MAP4K3: variants seen among roughly 807,000 people sequenced by gnomAD.
MAP4K3 encodes mitogen-activated protein kinase kinase kinase kinase 3.
A neutral mutation model predicts 143.5 loss-of-function variants in MAP4K3; 94 were observed. The observed-to-expected ratio is 0.65, with a 90% CI of 0.55 to 0.78. The LOEUF is 0.78. MAP4K3 is among the 30% of genes least tolerant of loss of function. MAP4K3 has a pLI of 0.00. For missense variants in MAP4K3, 1,077 were observed against 1,068.1 expected (o/e 1.01, Z -0.12); for synonymous variants, 416 against 347.2 (o/e 1.20, Z -2.20).
chr2:39,412,766 T>A (rs1383624376), intron 1 of MAP4K3, among the ~76,000 whole-genome samples: 1 of 152,130 alleles, frequency 6.6e-6, no homozygotes, highest in Non-Finnish European at 1.5e-5. Flanking sequence ...ACAATTTAAA[T>A]ATCATTAACT....
At chr2:39,317,569 A>C (rs1280982955) in intron 12 of MAP4K3, among the ~76,000 whole-genome samples, 3 of 152,172 alleles carry the variant, frequency 2.0e-5, no homozygotes, top group Admixed American at 1.3e-4. Context: ...CAAGCAAAAA[A>C]CAACTCTATT....
intron 13 of MAP4K3, among the ~76,000 whole-genome samples, chr2:39,310,198 T>C (rs1682894726): frequency 1.3e-5 from 2 of 152,314 alleles, no homozygotes; most frequent in African/African-American, 4.8e-5. Flanking sequence ...TAGAATGTAT[T>C]CCTTCTATTT....
intron 12 of MAP4K3, among the ~76,000 whole-genome samples, chr2:39,321,344 G>T (rs779796646): frequency 1.3e-5 from 2 of 152,154 alleles, no homozygotes; most frequent in Non-Finnish European, 2.9e-5. Context: ...GGGTTAAATG[G>T]ATTAAGGGTT....
chr2:39,254,511 T>A lies in MAP4K3; in HGVS notation c.2480A>T (p.Gln827Leu), dbSNP rs1227998939. The change falls in exon 32 of 34, where the codon CAA (glutamine) becomes CTA (leucine). Residue 827 changes from glutamine to leucine, a missense_variant. By Grantham distance (113) the Gln-to-Leu change is moderately radical. This residue lies in a region of MAP4K3 where 864 missense variants were observed against 801.2 expected (regional missense o/e 1.08). Transcript: ENST00000263881. ...DFQIESIVCLQDSVLAFWKHG... is the reference protein window; with the variant it reads ...DFQIESIVCLLDSVLAFWKHG... ...TTTCCAGAAAGCTAGCACACTGTCT[T>A]GTAGGCACACTAGCAGGCAAGAACA... 1 of 1,613,588 alleles carries A rather than the reference T, an allele frequency of 6.2e-7. No individual in the cohort carries two copies. Among genetic ancestry groups the A allele is most frequent in the East Asian group, 2.2e-5 (1 of 44,864 alleles).
chr2:39,411,519 G>GT (rs1667232221), intron 1 of MAP4K3, among the ~76,000 whole-genome samples: 1 of 152,158 alleles, frequency 6.6e-6, no homozygotes, highest in South Asian at 2.1e-4. Flanking sequence ...CAAAGATATG[G>GT]TTTATGCTTA....
At chr2:39,359,164 T>C (rs563368384) in intron 2 of MAP4K3, among the ~76,000 whole-genome samples, 1 of 152,308 alleles carries the variant, frequency 6.6e-6, no homozygotes, top group East Asian at 1.9e-4. Context: ...TAAATACAGC[T>C]GTTCCAATGG....
chr2:39,343,562 A>C, intron 3 of MAP4K3, 110 bp from the exon 4 acceptor site: 1 of 741,022 alleles, frequency 1.3e-6, no homozygotes, highest in Non-Finnish European at 2.3e-6. Flanking sequence ...AACAAATGCA[A>C]TGTGTTATCT....
At chr2:39,343,479 A>T in intron 3 of MAP4K3, 27 bp from the exon 4 acceptor site, 2 of 1,596,254 alleles carry the variant, frequency 1.3e-6, no homozygotes, top group Non-Finnish European at 1.7e-6. Context: ...AGCATGTATC[A>T]TATTTTCATG....
intron 1 of MAP4K3, among the ~76,000 whole-genome samples, chr2:39,393,944 C>G (rs966782442): frequency 6.6e-6 from 1 of 152,182 alleles, no homozygotes; most frequent in African/African-American, 2.4e-5. Context: ...AGTTGTATAT[C>G]TTTCATTAAA....
chr2:39,331,929 C>T lies in MAP4K3; in HGVS notation c.518G>A (p.Gly173Asp). Residue 173 changes from glycine to aspartate, a missense_variant, in exon 8 of 34, where the codon GGC (glycine) becomes GAC (aspartate). By Grantham distance (94) the Gly-to-Asp change is moderately conservative (BLOSUM62 -1). Around this residue, in one of 2 missense-constraint regions of MAP4K3, gnomAD observed 213 missense variants for 266.8 expected, o/e 0.80. Transcript: ENST00000263881. ...ATIAKRKSFI[G>D]TPYWMAPEVA... ...AAAATACAATTACCAATATGGTGTGCCAATGAAAGACTTCCGTTTGGCAAT... is the reference window on the plus strand; with the variant it reads ...AAAATACAATTACCAATATGGTGTGTCAATGAAAGACTTCCGTTTGGCAAT... 2 of 1,562,420 alleles carry T rather than the reference C, an allele frequency of 1.3e-6. No individual in the cohort carries two copies. Among genetic ancestry groups the T allele is most frequent in the South Asian group, 1.2e-5 (1 of 82,162 alleles).
chr2:39,385,569 T>C (rs1162381797), intron 1 of MAP4K3, among the ~76,000 whole-genome samples: 20 of 132,208 alleles, frequency 1.5e-4, no homozygotes, highest in Admixed American at 7.4e-5. Context: ...TATATATATA[T>C]ATATATATAT....
intron 1 of MAP4K3, among the ~76,000 whole-genome samples, chr2:39,403,482 T>G (rs1667008646): frequency 6.6e-6 from 1 of 151,982 alleles, no homozygotes; most frequent in South Asian, 2.1e-4. Flanking sequence ...GAAAGCACAG[T>G]GATTGTGAGA....
At chr2:39,253,776 A>C (rs1318622011) in intron 32 of MAP4K3, among the ~76,000 whole-genome samples, 1 of 152,210 alleles carries the variant, frequency 6.6e-6, no homozygotes, top group East Asian at 1.9e-4. Context: ...ATTTCTGACA[A>C]TTTTACGTGC....
chr2:39,376,170 G>A (rs1666212720), intron 2 of MAP4K3, among the ~76,000 whole-genome samples: 1 of 152,166 alleles, frequency 6.6e-6, no homozygotes, highest in Non-Finnish European at 1.5e-5. Flanking sequence ...ATTTCCACCA[G>A]CTGTGTATGA....
Position 39,285,317 on chromosome 2 carries a change from T to G in MAP4K3, c.1587+1535A>C, listed in dbSNP as rs192651085. Among the ~76,000 whole-genome samples, 242 of 152,302 alleles carry G rather than the reference T, an allele frequency of 1.6e-3. 2 individuals are homozygous for G. The highest frequency in any genetic ancestry group is 5.2e-3 in the African/African-American group (215 of 41,560). On this transcript the variant is annotated intron_variant, in intron 21 of 33. Coordinates refer to ENST00000263881, the MANE Select transcript of MAP4K3 (RefSeq NM_003618.4). ...CAGTTCCTTATCTTAATGAAGTAAG[T>G]TAACAGAAAAAGTGAACTAAAAATG...
intron 21 of MAP4K3, among the ~76,000 whole-genome samples, chr2:39,286,463 A>G (rs1681782372): frequency 6.6e-6 from 1 of 152,204 alleles, no homozygotes; most frequent in African/African-American, 2.4e-5. Context: ...TTCTTTATCT[A>G]TGTCCTTCTT....
intron 29 of MAP4K3, 113 bp from the exon 30 acceptor site, chr2:39,258,700 T>G: frequency 1.3e-6 from 1 of 788,768 alleles, no homozygotes; most frequent in Non-Finnish European, 2.2e-6. Flanking sequence ...ATATGTCTTC[T>G]GTAATACACA....
intron 1 of MAP4K3, among the ~76,000 whole-genome samples, chr2:39,406,261 C>G (rs1023228196): frequency 6.6e-6 from 1 of 151,932 alleles, no homozygotes; most frequent in South Asian, 2.1e-4. Flanking sequence ...AGGACAAATC[C>G]AAGACTTATT....
chr2:39,411,231 A>G (rs531298777), intron 1 of MAP4K3, among the ~76,000 whole-genome samples: 21 of 152,330 alleles, frequency 1.4e-4, no homozygotes, highest in Admixed American at 2.6e-4. Flanking sequence ...TCCAATTTTA[A>G]AGCAGAGTAC....
Sources: gnomAD v4.1 joint callset for allele counts (sites outside exome capture counted in the v4.1 genomes callset) on GRCh38, gnomAD v4.1.1 for gene constraint, gnomAD v4.1.1 regional missense constraint, MANE v1.5 for transcripts, NCBI Gene and HGNC (gene_info 2026-07-23, HGNC 2026-07-21) for gene names.